The following POU2F3 variants were observed in gnomAD, a reference collection of about 807,000 sequenced individuals.
POU2F3 encodes POU domain, class 2, transcription factor 3.
POU2F3 carries 23 observed loss-of-function variants against 59.2 expected under a neutral mutation model. That is an observed-to-expected ratio of 0.39 (90% CI 0.28 to 0.55). POU2F3 has a LOEUF of 0.55. Ranked by LOEUF, POU2F3 falls within the 20% of genes least tolerant of loss-of-function variation. POU2F3 has a pLI of 0.66. For synonymous variants in POU2F3, 190 were observed against 214.6 expected, an observed-to-expected ratio of 0.89 and a Z score of 1.00; for missense variants, 473 against 544.5, an observed-to-expected ratio of 0.87 and a Z score of 1.31.
chr11:120,301,274 A>C, intron 5 of POU2F3: 2 of 311,012 alleles, frequency 6.4e-6, no homozygotes, highest in Non-Finnish European at 1.3e-5. Flanking sequence ...GAGATTATTG[A>C]GAGTCACTTG....
rs11443197 is a variant in POU2F3, at chr11:120,304,942, TAAAAAAAAAAAA to T, written c.445-70_445-59del. Reference sequence around the variant, plus strand: ...GTCATCCTCTAAGTGGGCCTATTAGTAAAAAAAAAAAAAAAAAAAAAAAAAAAAATCAGAAAA... The same window carrying T: ...GTCATCCTCTAAGTGGGCCTATTAGTAAAAAAAAAAAAAAAAATCAGAAAA... On this transcript the variant is annotated intron_variant, in intron 6 of 12. Coordinates refer to ENST00000543440, the MANE Select transcript of POU2F3 (RefSeq NM_014352.4). 145 of 336,650 alleles carry T rather than the reference TAAAAAAAAAAAA, an allele frequency of 4.3e-4. 1 individual carries two copies. Among genetic ancestry groups the T allele is most frequent in the African/African-American group, 1.1e-3 (21 of 18,266 alleles). The allele number at this position is 336,650 out of a possible 1,614,324, so 20.9% of individuals were successfully genotyped here.
chr11:120,243,224 C>T (rs912788757), intron 1 of POU2F3, among the ~76,000 whole-genome samples: 3 of 152,140 alleles, frequency 2.0e-5, no homozygotes, highest in African/African-American at 7.2e-5. Flanking sequence ...CCGCCATCAG[C>T]AGGTATGTGC....
intron 8 of POU2F3, among the ~76,000 whole-genome samples, chr11:120,306,592 G>A (rs1941496460): frequency 6.6e-6 from 1 of 151,662 alleles, no homozygotes; most frequent in Admixed American, 6.5e-5. Context: ...GTCCCAGGGG[G>A]AGTGGTGGTG....
chr11:120,317,227 A>T lies in POU2F3; in HGVS notation c.1136-2A>T. The T allele has an allele frequency of 6.2e-7, 1 of 1,614,084 alleles. No individual in the cohort carries two copies. The highest frequency in any genetic ancestry group is 1.7e-5 in the Admixed American group (1 of 60,026). On this transcript the variant is annotated splice_acceptor_variant, in intron 11 of 12. Transcript: ENST00000543440. LOFTEE classifies it high-confidence loss of function. ...CTTGTTTTTGCCTCTCCTTATCCTC[A>T]GTAACGTCATCCTGTTCCCCTGGGA...
At chr11:120,311,511 G>T (rs545372890) in intron 10 of POU2F3, among the ~76,000 whole-genome samples, 1 of 152,180 alleles carries the variant, frequency 6.6e-6, no homozygotes, top group Non-Finnish European at 1.5e-5. Context: ...AATCCTCTGC[G>T]ATGACTCTTG....
chr11:120,307,313 A>C (rs959126569), intron 8 of POU2F3, among the ~76,000 whole-genome samples, 166 bp from the exon 9 acceptor site: 14 of 152,182 alleles, frequency 9.2e-5, no homozygotes, highest in Non-Finnish European at 1.6e-4. Context: ...CAATGAAAAG[A>C]AATAGGATTC....
intron 3 of POU2F3, among the ~76,000 whole-genome samples, chr11:120,271,289 G>A (rs1037057706): frequency 6.6e-6 from 1 of 152,238 alleles, no homozygotes; most frequent in South Asian, 2.1e-4. Flanking sequence ...GAGGGAAACT[G>A]TAGAGTCAGC....
chr11:120,315,895 A>G (rs1028469679), intron 11 of POU2F3, among the ~76,000 whole-genome samples: 1 of 129,490 alleles, frequency 7.7e-6, no homozygotes, highest in Non-Finnish European at 1.6e-5. Context: ...TTTTTGAGAC[A>G]GAGTTTCACC....
intron 3 of POU2F3, 49 bp from the exon 4 acceptor site, chr11:120,298,216 T>C: frequency 6.4e-7 from 1 of 1,565,454 alleles, no homozygotes; most frequent in Non-Finnish European, 8.7e-7. Flanking sequence ...CATCTCTGAC[T>C]GCCTGACGGG....
intron 10 of POU2F3, among the ~76,000 whole-genome samples, chr11:120,314,316 C>T (rs923780465): frequency 1.3e-5 from 2 of 152,200 alleles, no homozygotes; most frequent in African/African-American, 4.8e-5. Context: ...TTGCGAACAC[C>T]TGGTCAGAGC....
intron 3 of POU2F3, among the ~76,000 whole-genome samples, chr11:120,271,022 G>A (rs955434675): frequency 1.3e-5 from 2 of 152,122 alleles, no homozygotes; most frequent in Admixed American, 1.3e-4. Flanking sequence ...TTCCTAAAAG[G>A]CTGCTAATTC....
intron 2 of POU2F3, among the ~76,000 whole-genome samples, chr11:120,253,185 C>G (rs961525247): frequency 7.9e-5 from 12 of 152,176 alleles, no homozygotes; most frequent in African/African-American, 2.9e-4. Context: ...GCGTACTCAA[C>G]AGCACCAAAT....
At chr11:120,288,128 CAAAAAAA>C in intron 3 of POU2F3, among the ~76,000 whole-genome samples, 1 of 63,330 alleles carries the variant, frequency 1.6e-5, no homozygotes, top group East Asian at 6.4e-4. Flanking sequence ...ACAAAAAAAC[CAAAAAAA>C]AAAAAAAAAA....
intron 3 of POU2F3, among the ~76,000 whole-genome samples, chr11:120,280,814 A>G (rs1173793575): frequency 6.6e-6 from 1 of 152,130 alleles, no homozygotes; most frequent in Non-Finnish European, 1.5e-5. Context: ...GATGGTAGAG[A>G]TAGTATCTGC....
intron 2 of POU2F3, chr11:120,249,928 C>T (rs931174850): frequency 6.6e-6 from 1 of 152,206 alleles, no homozygotes; most frequent in African/African-American, 2.4e-5. Context: ...TCAAACTTGG[C>T]CTTGTCTGAC....
intron 8 of POU2F3, among the ~76,000 whole-genome samples, chr11:120,306,819 C>G (rs925295375): frequency 3.9e-5 from 6 of 152,176 alleles, no homozygotes; most frequent in Admixed American, 3.9e-4. Flanking sequence ...TACAGGCTGT[C>G]CCTTAGACAG....
At chr11:120,249,137 G>T (rs1330085388) in intron 2 of POU2F3, among the ~76,000 whole-genome samples, 1 of 152,126 alleles carries the variant, frequency 6.6e-6, no homozygotes, top group African/African-American at 2.4e-5. Flanking sequence ...GACGTGGCCG[G>T]GGGCACATGT....
chr11:120,289,100 A>C (rs1271233478), intron 3 of POU2F3, among the ~76,000 whole-genome samples: 1 of 152,188 alleles, frequency 6.6e-6, no homozygotes, highest in Non-Finnish European at 1.5e-5. Context: ...TATGGCTTAG[A>C]AAGTGGATAC....
At chr11:120,236,682 T>C (rs1231841012), upstream of POU2F3, 1 of 1,505,396 alleles carries the variant, frequency 6.6e-7, no homozygotes, top group Non-Finnish European at 8.9e-7. Flanking sequence ...TCATGGAGTC[T>C]CCAAGAACTG....
Sources: gnomAD v4.1 joint callset for allele counts (sites outside exome capture counted in the v4.1 genomes callset) on GRCh38, gnomAD v4.1.1 for gene constraint, MANE v1.5 for transcripts, NCBI Gene and HGNC (gene_info 2026-07-23, HGNC 2026-07-21) for gene names.